The following PRUNE1 variants were observed in gnomAD, a reference collection of about 807,000 sequenced individuals.
PRUNE1 encodes exopolyphosphatase PRUNE1.
In PRUNE1, 25 loss-of-function variants were observed where a neutral mutation model predicts 42.5. The observed-to-expected ratio is 0.59, with a 90% CI of 0.43 to 0.82. The LOEUF (loss-of-function observed/expected upper bound fraction) is 0.82. PRUNE1 is among the 40% of genes least tolerant of loss of function. PRUNE1 has a pLI of 0.00. For missense variants in PRUNE1, 443 were observed against 539.3 expected (o/e 0.82, Z 1.77); for synonymous variants, 203 against 217.1 (o/e 0.93, Z 0.57).
chr1:151,018,982 G>T (rs1454356722), intron 3 of PRUNE1, among the ~76,000 whole-genome samples: 1 of 152,246 alleles, frequency 6.6e-6, no homozygotes, highest in Non-Finnish European at 1.5e-5. Flanking sequence ...GGTGGTGGTT[G>T]CAGTGAGCCG....
intron 3 of PRUNE1, among the ~76,000 whole-genome samples, chr1:151,019,808 CTATTTTTAATT>C (rs909416635): frequency 6.9e-5 from 10 of 144,726 alleles, no homozygotes; most frequent in Admixed American, 4.1e-4. Context: ...GCCTGCAACT[CTATTTTTAATT>C]TTAATTTTAA....
chr1:151,022,449 C>G (rs1352068795), intron 3 of PRUNE1, among the ~76,000 whole-genome samples: 1 of 131,134 alleles, frequency 7.6e-6, no homozygotes, highest in African/African-American at 2.9e-5. Context: ...GACGTAGTCT[C>G]GCTCTGTCGC....
intron 4 of PRUNE1, 105 bp downstream of exon 4, chr1:151,024,900 G>A: frequency 8.3e-7 from 1 of 1,197,860 alleles, no homozygotes; most frequent in Non-Finnish European, 1.2e-6. Flanking sequence ...TGCTCTCAGA[G>A]CCATTCAGCT....
intron 1 of PRUNE1, among the ~76,000 whole-genome samples, chr1:151,012,322 T>A (rs1403124112): frequency 6.6e-6 from 1 of 152,118 alleles, no homozygotes; most frequent in Non-Finnish European, 1.5e-5. Flanking sequence ...AAGAAGAGAA[T>A]GATGTCTTAT....
intron 1 of PRUNE1, among the ~76,000 whole-genome samples, chr1:151,011,900 T>C (rs1436289472): frequency 6.6e-6 from 1 of 152,016 alleles, no homozygotes; most frequent in Non-Finnish European, 1.5e-5. Flanking sequence ...TGCCTCAGCC[T>C]CCCGAGTAGC....
rs142792659 is a variant in PRUNE1 at position 151,028,938 on chromosome 1, A to T, written c.927A>T (p.Gln309His). The stretch of plus-strand genomic sequence containing the variant: ...TTTTCTGTCCCCATGTGGCACTCCA[A>T]ACAACGGTGAGTCTGTGTCCCTTCT... The part of the protein sequence containing the change: ...LAIFCPHVAL[Q>H]TTICEVLERS... The change falls in exon 7 of 8, where the codon CAA becomes CAT. Residue 309 changes from glutamine (Q) to histidine (H), a missense_variant. By Grantham distance (24) the Gln-to-His change is conservative (BLOSUM62 0). Coordinates refer to ENST00000271620, the MANE Select transcript of PRUNE1 (RefSeq NM_021222.3). 6.8e-6 allele frequency: 11 copies of T among 1,612,352 alleles called. No homozygotes were observed. In the African/African-American group the frequency reaches 1.2e-4, roughly 18 times the overall value.
chr1:151,023,878 A>G (rs1456304247), intron 3 of PRUNE1, among the ~76,000 whole-genome samples: 1 of 151,634 alleles, frequency 6.6e-6, no homozygotes, highest in Non-Finnish European at 1.5e-5. Flanking sequence ...GATGACTCCA[A>G]TTATAACATT....
intron 1 of PRUNE1, 43 bp from the exon 2 acceptor site, chr1:151,017,769 A>G: frequency 7.9e-7 from 1 of 1,263,562 alleles, no homozygotes; most frequent in Non-Finnish European, 1.1e-6. Flanking sequence ...GTGGAAATGA[A>G]TAGAGATACT....
At chr1:151,021,616 T>G (rs1207822445) in intron 3 of PRUNE1, among the ~76,000 whole-genome samples, 1 of 152,152 alleles carries the variant, frequency 6.6e-6, no homozygotes, top group Admixed American at 6.6e-5. Flanking sequence ...CTGCTAATAT[T>G]TTTTTCTTGA....
chr1:151,023,881 AT>A (rs1349280998), intron 3 of PRUNE1, among the ~76,000 whole-genome samples: 1 of 151,378 alleles, frequency 6.6e-6, no homozygotes. Flanking sequence ...GACTCCAATT[AT>A]AACATTAAAG....
At chr1:151,018,003 G>T in intron 2 of PRUNE1, 99 bp downstream of exon 2, 1 of 799,068 alleles carries the variant, frequency 1.3e-6, no homozygotes, top group Non-Finnish European at 2.1e-6. Flanking sequence ...TTAGCATTGG[G>T]TAAATTAAAT....
chr1:151,009,140 C>T (rs1673577891), intron 1 of PRUNE1, among the ~76,000 whole-genome samples: 1 of 152,150 alleles, frequency 6.6e-6, no homozygotes, highest in Admixed American at 6.5e-5. Flanking sequence ...CCGGTGCTCA[C>T]GGCCTTATTT....
intron 6 of PRUNE1, 128 bp downstream of exon 6, chr1:151,027,455 C>T (rs767285532): frequency 1.7e-5 from 11 of 650,988 alleles, no homozygotes; most frequent in Non-Finnish European, 2.5e-5. Context: ...GTCTCTACCT[C>T]CACTGTGACC....
intron 1 of PRUNE1, among the ~76,000 whole-genome samples, chr1:151,009,910 TC>T (rs1673648469): frequency 6.6e-6 from 1 of 152,152 alleles, no homozygotes; most frequent in African/African-American, 2.4e-5. Context: ...GGGGCACCGT[TC>T]TAAGTGCTAA....
chr1:151,034,336 G>C lies in PRUNE1; in HGVS notation c.*102G>C. The C allele has an allele frequency of 1.6e-6, 2 of 1,240,904 alleles. No individual in the cohort carries two copies. 76.9% of individuals were successfully genotyped at this position (1,240,904 alleles called of 1,614,324 possible). ...CAGCAATTCTGTCTTCATTGCTCCA[G>C]GATCTGGTATACTGTTCTCATAAAA... is the stretch of plus-strand genomic sequence containing the variant. On this transcript the variant is annotated 3_prime_UTR_variant, in exon 8 of 8. Coordinates refer to ENST00000271620, the MANE Select transcript of PRUNE1 (RefSeq NM_021222.3).
intron 5 of PRUNE1, 50 bp downstream of exon 5, chr1:151,025,723 G>A: frequency 6.5e-7 from 1 of 1,535,966 alleles, no homozygotes; most frequent in Non-Finnish European, 8.8e-7. Context: ...AAAACAGAAA[G>A]GCAAGCCTTG....
intron 3 of PRUNE1, among the ~76,000 whole-genome samples, chr1:151,022,426 T>A (rs996850584): frequency 1.4e-5 from 2 of 143,704 alleles, no homozygotes; most frequent in African/African-American, 5.2e-5. Flanking sequence ...ATTTTTTTTT[T>A]TTTTTTTTAA....
At chr1:151,026,999 T>G (rs776842879) in intron 5 of PRUNE1, among the ~76,000 whole-genome samples, 1 of 152,072 alleles carries the variant, frequency 6.6e-6, no homozygotes, top group Non-Finnish European at 1.5e-5. Flanking sequence ...TTGACCAGGC[T>G]GGTCCCAAAC....
intron 1 of PRUNE1, among the ~76,000 whole-genome samples, chr1:151,014,958 GA>G (rs1674007437): frequency 6.6e-6 from 1 of 152,174 alleles, no homozygotes; most frequent in African/African-American, 2.4e-5. Flanking sequence ...TTGGGAGGCC[GA>G]GGCAGCTGTA....
Sources: gnomAD v4.1 joint callset for allele counts (sites outside exome capture counted in the v4.1 genomes callset) on GRCh38, gnomAD v4.1.1 for gene constraint, MANE v1.5 for transcripts, NCBI Gene and HGNC (gene_info 2026-07-23, HGNC 2026-07-21) for gene names.